The following HDAC9 variants were observed in gnomAD, a reference collection of about 807,000 sequenced individuals.
HDAC9 encodes the protein MEF-2 interacting transcription repressor (MITR) protein.
A neutral mutation model predicts 139.4 loss-of-function variants in HDAC9; 41 were observed. That is an observed-to-expected ratio of 0.29 (90% CI 0.23 to 0.38). The LOEUF is 0.38. Among genes scored for constraint, HDAC9 ranks in the 10% least tolerant of loss-of-function variants. The pLI is 1.00. For synonymous variants in HDAC9, 517 were observed against 476.2 expected (o/e 1.09, Z -1.12); for missense variants, 1,147 against 1,297.0 (o/e 0.88, Z 1.78).
At position 18,455,276 on chromosome 7, in the gene HDAC9, CT is replaced by C. The variant is rs539934497; in HGVS notation, c.-41-40982del. Among the ~76,000 whole-genome samples the C allele has an allele frequency of 4.8e-3, 731 of 151,836 alleles. 2 individuals are homozygous for C. Among genetic ancestry groups the C allele is most frequent in the Middle Eastern group, 0.01 (3 of 294 alleles). ...AAGTTCAAGTTGATATTTGAAATAG[CT>C]TTTAAAAAAAAAGTTAAGTCAAACC... On this transcript the variant is annotated intron_variant, in intron 1 of 3. Coordinates refer to the HDAC9 transcript ENST00000413509.
chr7:18,569,612 C>A (rs1823584448), intron 2 of HDAC9, among the ~76,000 whole-genome samples: 1 of 152,158 alleles, frequency 6.6e-6, no homozygotes, highest in African/African-American at 2.4e-5. Flanking sequence ...ACTATGAGTT[C>A]TGCCAGAAAT....
At chr7:18,870,208 A>G (rs543617084) in intron 21 of HDAC9, among the ~76,000 whole-genome samples, 1 of 152,248 alleles carries the variant, frequency 6.6e-6, no homozygotes, top group Non-Finnish European at 1.5e-5. Flanking sequence ...TGGCACTGCA[A>G]ATTTTCCACT....
At chr7:18,604,562 A>G (rs62446999) in intron 6 of HDAC9, among the ~76,000 whole-genome samples, 1 of 151,232 alleles carries the variant, frequency 6.6e-6, no homozygotes, top group African/African-American at 2.4e-5. Flanking sequence ...ACGCCCAGCT[A>G]ATTTTTTTTT....
At chr7:18,838,393 G>C (rs1796373470) in intron 21 of HDAC9, among the ~76,000 whole-genome samples, 1 of 152,022 alleles carries the variant, frequency 6.6e-6, no homozygotes, top group African/African-American at 2.4e-5. Flanking sequence ...AACTTTCAAG[G>C]GGAGAAGAGG....
chr7:18,450,064 G>A (rs1234063259), intron 1 of HDAC9, among the ~76,000 whole-genome samples: 1 of 152,152 alleles, frequency 6.6e-6, no homozygotes, highest in Non-Finnish European at 1.5e-5. Flanking sequence ...AAATATTTGA[G>A]TTGAGGCTGC....
At chr7:18,453,342 A>G (rs1455589081) in intron 1 of HDAC9, among the ~76,000 whole-genome samples, 1 of 152,178 alleles carries the variant, frequency 6.6e-6, no homozygotes, top group Non-Finnish European at 1.5e-5. Flanking sequence ...GAAGGAATTT[A>G]ATTCTGGAGC....
At position 18,133,773 on chromosome 7, in the gene HDAC9, G is replaced by A. The variant is rs565270068; in HGVS notation, c.-96-28456G>A. Among the ~76,000 whole-genome samples the A allele has an allele frequency of 1.5e-4, 23 of 152,152 alleles. No homozygotes were observed. The South Asian group carries it at 1.7e-3, about 11-fold the overall frequency. ...GCAACATGTTTCTGTAAATGCTTTC[G>A]TGTCGCTTACTCAGAGAAACACCAT... On this transcript the variant is annotated intron_variant, in intron 1 of 12. Transcript: ENST00000417496.
intron 21 of HDAC9, among the ~76,000 whole-genome samples, chr7:18,852,666 G>C (rs1797388498): frequency 6.6e-6 from 1 of 152,110 alleles, no homozygotes; most frequent in African/African-American, 2.4e-5. Context: ...CTGCACCATG[G>C]AATGAGCCTT....
intron 13 of HDAC9, among the ~76,000 whole-genome samples, chr7:18,746,447 T>C (rs907115778): frequency 5.9e-5 from 9 of 152,228 alleles, no homozygotes; most frequent in Admixed American, 2.6e-4. Context: ...TTATCCTTAT[T>C]GGACTTTATA....
intron 6 of HDAC9, among the ~76,000 whole-genome samples, chr7:18,616,219 C>G (rs958252732): frequency 2.0e-5 from 3 of 152,150 alleles, no homozygotes; most frequent in Admixed American, 2.0e-4. Flanking sequence ...CCTTTACCAC[C>G]TAATGTGATA....
intron 1 of HDAC9, among the ~76,000 whole-genome samples, chr7:18,427,049 G>C (rs1052825742): frequency 5.3e-5 from 8 of 152,062 alleles, no homozygotes; most frequent in African/African-American, 1.9e-4. Context: ...TTCTCTGTAG[G>C]AGCTCAACTC....
intron 22 of HDAC9, among the ~76,000 whole-genome samples, chr7:18,893,327 C>G (rs983375252): frequency 1.3e-5 from 2 of 152,094 alleles, no homozygotes; most frequent in Non-Finnish European, 2.9e-5. Flanking sequence ...AACCTTCGCT[C>G]TCCTTATCAA....
intron 1 of HDAC9, among the ~76,000 whole-genome samples, chr7:18,348,653 A>C (rs1782607862): frequency 6.6e-6 from 1 of 152,166 alleles, no homozygotes; most frequent in African/African-American, 2.4e-5. Context: ...ATGTATTTAG[A>C]GGTAAAGAAT....
intron 12 of HDAC9, chr7:18,668,425 C>A (rs1158964687): frequency 1.1e-6 from 1 of 940,280 alleles, no homozygotes; most frequent in African/African-American, 1.8e-5. Context: ...TTTTCAATCT[C>A]ATAAAAAAGG....
chr7:18,393,197 G>T lies in HDAC9; in HGVS notation c.-42+102682G>T, dbSNP rs189333714. Among the ~76,000 whole-genome samples the T allele has an allele frequency of 7.0e-4, 106 of 151,654 alleles. 1 individual carries two copies. Among genetic ancestry groups the T allele is most frequent in the Non-Finnish European group, 4.4e-5 (3 of 67,896 alleles). ...AATCTGAGGAACAATAATCACTAAAGAAATTAATTTAGGCTAAGAAGAAGA... is the reference window on the plus strand; with the variant it reads ...AATCTGAGGAACAATAATCACTAAATAAATTAATTTAGGCTAAGAAGAAGA... On this transcript the variant is annotated intron_variant, in intron 1 of 3. Transcript: ENST00000413509.
chr7:18,283,051 A>T (rs1221817238), intron 2 of HDAC9, among the ~76,000 whole-genome samples: 2 of 151,796 alleles, frequency 1.3e-5, no homozygotes, highest in Non-Finnish European at 2.9e-5. Flanking sequence ...GCATAGTAAT[A>T]ATATAAGAAG....
At chr7:18,339,385 T>A (rs669164) in intron 1 of HDAC9, among the ~76,000 whole-genome samples, 21,451 of 151,424 alleles carry the variant, frequency 0.14, 1,991 homozygotes, top group East Asian at 0.26. Flanking sequence ...TCTTCTTTTC[T>A]ACTATAGGCA....
chr7:18,224,891 C>G (rs1015537142), intron 2 of HDAC9, among the ~76,000 whole-genome samples: 3 of 151,550 alleles, frequency 2.0e-5, no homozygotes, highest in Non-Finnish European at 4.4e-5. Context: ...TTTGTCCCCC[C>G]AAAAAAAGCT....
chr7:18,740,893 G>C (rs571490915), intron 13 of HDAC9, among the ~76,000 whole-genome samples: 3 of 152,282 alleles, frequency 2.0e-5, no homozygotes, highest in African/African-American at 7.2e-5. Flanking sequence ...GAGTTTTAGT[G>C]GTCTTGGTAG....
Sources: gnomAD v4.1 joint callset for allele counts (sites outside exome capture counted in the v4.1 genomes callset) on GRCh38, gnomAD v4.1.1 for gene constraint, MANE v1.5 for transcripts, NCBI Gene and HGNC (gene_info 2026-07-23, HGNC 2026-07-21) for gene names.